ST7L: variants seen among roughly 807,000 people sequenced by gnomAD.
ST7L encodes the protein suppressor of tumorigenicity 7 protein-like.
In ST7L, 57 loss-of-function variants were observed where a neutral mutation model predicts 72.5. That is an observed-to-expected ratio of 0.79 (90% CI 0.64 to 0.98). The LOEUF (loss-of-function observed/expected upper bound fraction) is 0.98. ST7L is among the 50% of genes least tolerant of loss of function. The pLI is 0.00. For synonymous variants in ST7L, 221 were observed against 240.9 expected (o/e 0.92, Z 0.77); for missense variants, 576 against 672.2 (o/e 0.86, Z 1.58).
At chr1:112,616,917 A>C (rs771305312) in intron 1 of ST7L, 22 bp from the exon 2 acceptor site, 11 of 1,561,416 alleles carry the variant, frequency 7.0e-6, no homozygotes, top group Non-Finnish European at 9.6e-6. Context: ...ACAAGAATCA[A>C]AGTTTTAAAA....
In ST7L at chr1:112,526,175, G is replaced by A. The variant is rs145426060; in HGVS notation, c.1630-64C>T. The A allele has an allele frequency of 2.2e-4, 350 of 1,606,480 alleles. 5 individuals carry two copies. The East Asian group carries it at 7.7e-3, about 36-fold the overall frequency. On this transcript the variant is annotated intron_variant, in intron 14 of 14. Coordinates refer to ENST00000358039, the MANE Select transcript of ST7L (RefSeq NM_017744.5). The stretch of plus-strand genomic sequence containing the variant: ...TAGGAGTCCCAGGACAGCCAAGAGA[G>A]TATATCTGAGCACAGTTTACAAAGG...
chr1:112,544,953 G>A (rs942073719), intron 13 of ST7L, among the ~76,000 whole-genome samples: 1 of 152,164 alleles, frequency 6.6e-6, no homozygotes, highest in Non-Finnish European at 1.5e-5. Context: ...TCACTGGCTT[G>A]TAGAGAAAAA....
At chr1:112,611,319 C>A (rs779768304) in intron 2 of ST7L, among the ~76,000 whole-genome samples, 15 of 152,176 alleles carry the variant, frequency 9.9e-5, no homozygotes, top group Non-Finnish European at 1.9e-4. Flanking sequence ...TCATTTTATT[C>A]TATCTGCAGC....
intron 7 of ST7L, 57 bp downstream of exon 7, chr1:112,583,915 G>A: frequency 6.5e-7 from 1 of 1,545,430 alleles, no homozygotes; most frequent in Non-Finnish European, 8.7e-7. Context: ...TTTGTGTTAA[G>A]ACACAAGCAA....
intron 12 of ST7L, among the ~76,000 whole-genome samples, chr1:112,552,963 A>G (rs1658473638): frequency 6.6e-6 from 1 of 151,904 alleles, no homozygotes; most frequent in Non-Finnish European, 1.5e-5. Flanking sequence ...AAAAGAAAAT[A>G]AAATCATACA....
intron 5 of ST7L, 44 bp from the exon 6 acceptor site, chr1:112,591,647 T>A (rs779059593): frequency 2.2e-4 from 320 of 1,485,366 alleles, no homozygotes; most frequent in Non-Finnish European, 2.8e-4. Context: ...GGTAAAAAAA[T>A]AATCTGCAAA....
intron 12 of ST7L, among the ~76,000 whole-genome samples, chr1:112,551,426 G>A (rs903525488): frequency 6.6e-6 from 1 of 152,170 alleles, no homozygotes; most frequent in Admixed American, 6.5e-5. Flanking sequence ...GGGATTACAG[G>A]TGTGAGCCAC....
At chr1:112,594,767 A>T (rs1666192503) in intron 5 of ST7L, among the ~76,000 whole-genome samples, 1 of 152,204 alleles carries the variant, frequency 6.6e-6, no homozygotes, top group Admixed American at 6.5e-5. Flanking sequence ...TCGTTGATAG[A>T]ACTGACAATG....
At position 112,598,571 on chromosome 1, in the gene ST7L, G is replaced by A. The variant is rs111302738; in HGVS notation, c.507-485C>T. 9.2e-3 allele frequency among the ~76,000 whole-genome samples: 1,391 copies of A among 150,596 alleles called. 7 individuals are homozygous for A. Among genetic ancestry groups the A allele is most frequent in the Middle Eastern group, 0.021 (6 of 290 alleles). The stretch of plus-strand genomic sequence containing the variant: ...TCAAGACTAGCTTGAGCAATATAGC[G>A]AGATCTTATCTCTATTTTTTAACTA... On this transcript the variant is annotated intron_variant, in intron 4 of 14. Coordinates refer to ENST00000358039, the MANE Select transcript of ST7L (RefSeq NM_017744.5).
chr1:112,617,717 T>TCACACACACA (rs56216561), intron 1 of ST7L, among the ~76,000 whole-genome samples: 10 of 126,432 alleles, frequency 7.9e-5, no homozygotes, highest in East Asian at 2.0e-4. Context: ...TTTCTCTCTC[T>TCACACACACA]CACACACACA....
At chr1:112,542,412 A>G (rs147824944) in intron 13 of ST7L, among the ~76,000 whole-genome samples, 1 of 152,196 alleles carries the variant, frequency 6.6e-6, no homozygotes, top group East Asian at 1.9e-4. Context: ...AAGTTGCTAA[A>G]CCCTCTAGAA....
intron 2 of ST7L, among the ~76,000 whole-genome samples, chr1:112,615,372 T>C (rs1287517047): frequency 6.6e-6 from 1 of 152,222 alleles, no homozygotes; most frequent in East Asian, 1.9e-4. Flanking sequence ...GTTATAAACT[T>C]ACAACATTAT....
chr1:112,580,678 A>G (rs1200021513), intron 9 of ST7L, among the ~76,000 whole-genome samples: 2 of 152,200 alleles, frequency 1.3e-5, no homozygotes, highest in Non-Finnish European at 2.9e-5. Flanking sequence ...TAATCCCAGC[A>G]CTTTGGGAGG....
chr1:112,578,546 C>T (rs1663525073), intron 9 of ST7L, 129 bp from the exon 10 acceptor site: 14 of 767,266 alleles, frequency 1.8e-5, no homozygotes, highest in Admixed American at 4.0e-5. Context: ...GAGGCTGAGG[C>T]GGGTGGATCA....
chr1:112,584,502 T>C (rs1664596999), intron 6 of ST7L, among the ~76,000 whole-genome samples: 1 of 152,102 alleles, frequency 6.6e-6, no homozygotes, highest in Admixed American at 6.5e-5. Flanking sequence ...TGCTTTTTTT[T>C]TTGAGATGGA....
intron 13 of ST7L, 45 bp downstream of exon 13, chr1:112,550,556 A>G: frequency 1.4e-6 from 2 of 1,434,152 alleles, no homozygotes; most frequent in Non-Finnish European, 2.0e-6. Flanking sequence ...CAAACAATCT[A>G]AACTTACTAC....
intron 3 of ST7L, 164 bp downstream of exon 3, chr1:112,610,677 A>G: frequency 1.2e-6 from 1 of 802,676 alleles, no homozygotes; most frequent in Non-Finnish European, 1.9e-6. Flanking sequence ...TGACCTGATC[A>G]CCTCCCAAAG....
At chr1:112,619,327 C>T, upstream of ST7L, 1 of 605,654 alleles carries the variant, frequency 1.7e-6, no homozygotes, top group Non-Finnish European at 2.9e-6. Context: ...GACAGCAGCG[C>T]CTATTCTGGA....
At position 112,584,132 on chromosome 1, in the gene ST7L, A is replaced by C; in HGVS notation, c.702-6T>G. On this transcript the variant is annotated splice_polypyrimidine_tract_variant and splice_region_variant and intron_variant, in intron 6 of 14. Coordinates refer to ENST00000358039, the MANE Select transcript of ST7L (RefSeq NM_017744.5). The stretch of plus-strand genomic sequence containing the variant: ...GAACATATGCAGTGGCACAGCTATG[A>C]AGAAAGCAAGAAGGCAATTTTAAAT... 1.2e-6 allele frequency: 2 copies of C among 1,607,986 alleles called. No homozygotes were observed.
Sources: gnomAD v4.1 joint callset for allele counts (sites outside exome capture counted in the v4.1 genomes callset) on GRCh38, gnomAD v4.1.1 for gene constraint, MANE v1.5 for transcripts, NCBI Gene and HGNC (gene_info 2026-07-23, HGNC 2026-07-21) for gene names.